LRRFIP1: variants seen among roughly 807,000 people sequenced by gnomAD.
LRRFIP1 encodes the protein leucine-rich repeat flightless-interacting protein 1.
Under a neutral mutation model 104.4 loss-of-function variants are expected in LRRFIP1, and 62 were observed. That is an observed-to-expected ratio of 0.59 (90% CI 0.48 to 0.73). The LOEUF is 0.73. Ranked by LOEUF, LRRFIP1 falls within the 30% of genes least tolerant of loss-of-function variation. LRRFIP1 has a pLI of 0.00. For synonymous variants in LRRFIP1, 300 were observed against 299.0 expected, an observed-to-expected ratio of 1.00 and a Z score of -0.03; for missense variants, 796 against 824.5, an observed-to-expected ratio of 0.97 and a Z score of 0.42.
intron 7 of LRRFIP1, among the ~76,000 whole-genome samples, chr2:237,725,072 T>C (rs2094689716): frequency 6.6e-6 from 1 of 152,226 alleles, no homozygotes; most frequent in Non-Finnish European, 1.5e-5. Flanking sequence ...TAGTCACAAG[T>C]TACCGTTTTC....
At chr2:237,722,454 C>T (rs1176424303) in intron 6 of LRRFIP1, among the ~76,000 whole-genome samples, 1 of 152,100 alleles carries the variant, frequency 6.6e-6, no homozygotes, top group Non-Finnish European at 1.5e-5. Flanking sequence ...TGTTATGTAA[C>T]AGCATTCATT....
chr2:237,749,136 A>T, intron 12 of LRRFIP1, 63 bp from the exon 13 acceptor site: 3 of 1,544,822 alleles, frequency 1.9e-6, no homozygotes, highest in South Asian at 1.2e-5. Context: ...ACAATTCCAG[A>T]TGAGATTTGG....
chr2:237,695,850 C>G (rs992251822), intron 1 of LRRFIP1, among the ~76,000 whole-genome samples: 1 of 151,686 alleles, frequency 6.6e-6, no homozygotes, highest in Non-Finnish European at 1.5e-5. Context: ...TAAGTAAATT[C>G]GTTTCTTTCT....
At chr2:237,769,859 G>T in intron 19 of LRRFIP1, 84 bp from the exon 20 acceptor site, 1 of 1,001,830 alleles carries the variant, frequency 1.0e-6, no homozygotes. Flanking sequence ...TCACTAACCT[G>T]AACGATCATT....
chr2:237,655,772 C>T (rs911953243), intron 1 of LRRFIP1, among the ~76,000 whole-genome samples: 1 of 152,230 alleles, frequency 6.6e-6, no homozygotes, highest in African/African-American at 2.4e-5. Context: ...TTGACTGAAA[C>T]CCAACCACAT....
intron 8 of LRRFIP1, among the ~76,000 whole-genome samples, chr2:237,732,518 AC>A (rs2095056952): frequency 6.6e-6 from 1 of 152,268 alleles, no homozygotes; most frequent in Non-Finnish European, 1.5e-5. Flanking sequence ...ACACAAAGTC[AC>A]AAGAGCAAAG....
chr2:237,708,935 T>G lies in LRRFIP1; in HGVS notation c.183+305T>G, dbSNP rs75512902. ...CAGGGTCTGAGCTTTAAGGTCTAAC[T>G]GTTGTACTAGAATCTAGATCCTCTG... On this transcript the variant is annotated intron_variant, in intron 2 of 23. Coordinates refer to ENST00000308482, the MANE Select transcript of LRRFIP1 (RefSeq NM_001137550.2). 6.1e-4 allele frequency among the ~76,000 whole-genome samples: 93 copies of G among 152,378 alleles called. 2 individuals carry two copies. The East Asian group carries it at 0.016, about 26-fold the overall frequency.
chr2:237,655,321 G>A (rs1387434091), intron 1 of LRRFIP1, among the ~76,000 whole-genome samples: 1 of 151,222 alleles, frequency 6.6e-6, no homozygotes, highest in Non-Finnish European at 1.5e-5. Context: ...TGTTTGCCAG[G>A]CTGGTCTCAA....
intron 1 of LRRFIP1, among the ~76,000 whole-genome samples, chr2:237,672,565 T>C (rs1267096520): frequency 6.6e-6 from 1 of 152,242 alleles, no homozygotes; most frequent in Non-Finnish European, 1.5e-5. Context: ...TCCATTATGA[T>C]CAGATGGCTC....
chr2:237,719,017 C>T (rs193070372), intron 4 of LRRFIP1, among the ~76,000 whole-genome samples: 4 of 152,150 alleles, frequency 2.6e-5, no homozygotes, highest in Admixed American at 2.6e-4. Context: ...AGAAAAAATG[C>T]TAATTATAAC....
chr2:237,681,369 C>G (rs1559531133), intron 1 of LRRFIP1, among the ~76,000 whole-genome samples: 2 of 151,948 alleles, frequency 1.3e-5, no homozygotes, highest in Non-Finnish European at 2.9e-5. Context: ...CAGTCCTATT[C>G]TTTTTTTTCT....
intron 1 of LRRFIP1, among the ~76,000 whole-genome samples, chr2:237,648,212 GC>G (rs1487511791): frequency 1.3e-5 from 2 of 151,830 alleles, no homozygotes; most frequent in Non-Finnish European, 2.9e-5. Flanking sequence ...CTGAGCCCTA[GC>G]CCTTCCCCTA....
intron 18 of LRRFIP1, among the ~76,000 whole-genome samples, chr2:237,759,265 G>C (rs1215098531): frequency 6.6e-6 from 1 of 152,104 alleles, no homozygotes; most frequent in South Asian, 2.1e-4. Context: ...GGTGGAAGAC[G>C]GTTCCCTGTC....
Position 237,692,485 on chromosome 2 carries a change from G to A in LRRFIP1, c.97-16059G>A, listed in dbSNP as rs1029957001. 4 of 1,533,272 alleles carry A rather than the reference G, an allele frequency of 2.6e-6. No individual in the cohort carries two copies. In the African/African-American group the frequency reaches 4.2e-5, roughly 16 times the overall value. The allele number at this position is 1,533,272 out of a possible 1,614,324, so 95.0% of individuals were successfully genotyped here. A position where few individuals can be genotyped will look rare whatever the true frequency, so the allele number is the denominator to read the frequency against. On this transcript the variant is annotated intron_variant, in intron 1 of 23. Transcript: ENST00000308482. ...CCAGCCCCGCGGCCGCTCAAAGCCG[G>A]GAGATCGACTGTTTGAGCCCGGAAG... is the stretch of plus-strand genomic sequence containing the variant.
chr2:237,731,304 G>A (rs1362081573), intron 8 of LRRFIP1, among the ~76,000 whole-genome samples: 1 of 152,082 alleles, frequency 6.6e-6, no homozygotes, highest in South Asian at 2.1e-4. Context: ...CGGGGGGTTG[G>A]GGGGTATCTT....
Position 237,726,768 on chromosome 2 carries a change from G to C in LRRFIP1, c.385-1108G>C, listed in dbSNP as rs1240144544. Among the ~76,000 whole-genome samples, 6 of 152,068 alleles carry C rather than the reference G, an allele frequency of 3.9e-5. No individual in the cohort carries two copies. In the East Asian group the frequency reaches 1.2e-3, roughly 29 times the overall value. ...CCCGAGAGCTGGTTTTGTCTCTGAT[G>C]CTTGACAGCTCTATTTTGAATCAGC... On this transcript the variant is annotated intron_variant, in intron 7 of 23. Coordinates refer to ENST00000308482, the MANE Select transcript of LRRFIP1 (RefSeq NM_001137550.2).
intron 1 of LRRFIP1, among the ~76,000 whole-genome samples, chr2:237,667,027 T>TC (rs74590577): frequency 6.6e-6 from 1 of 152,040 alleles, no homozygotes; most frequent in Non-Finnish European, 1.5e-5. Flanking sequence ...GTTTTTTTTT[T>TC]CACTTTAAGT....
chr2:237,727,355 C>CAAA (rs35562237), intron 7 of LRRFIP1, among the ~76,000 whole-genome samples: 1 of 84,716 alleles, frequency 1.2e-5, no homozygotes. Flanking sequence ...GACTCTGTCT[C>CAAA]AAAAAAAAAA....
In LRRFIP1 at chr2:237,654,271, C is replaced by A. The variant is rs539978065; in HGVS notation, c.96+26531C>A. ...TACGTGAAAAAAAAATGCTTGACAT[C>A]ATTAATCATCAGGGAAATGCAAATT... On this transcript the variant is annotated intron_variant, in intron 1 of 23. Transcript: ENST00000308482. Among the ~76,000 whole-genome samples the A allele has an allele frequency of 2.6e-4, 40 of 152,214 alleles. No individual in the cohort carries two copies. In the South Asian group the frequency reaches 8.3e-3, roughly 32 times the overall value.
Sources: allele counts gnomAD v4.1 joint callset (sites outside exome capture counted in the v4.1 genomes callset), GRCh38; gene constraint gnomAD v4.1.1; transcripts MANE v1.5; gene names NCBI Gene and HGNC (gene_info 2026-07-23, HGNC 2026-07-21).